CIMAP2: variants seen among roughly 807,000 people sequenced by gnomAD.
CIMAP2 encodes ciliary microtubule-associated protein 2.
the CIMAP2 span, among the ~76,000 whole-genome samples, chr1:54,828,102 A>G: frequency 5.9e-5 from 9 of 152,218 alleles, no homozygotes; most frequent in African/African-American, 1.9e-4. Flanking sequence ...AAAAGCAATA[A>G]GACAGGAAAA....
the CIMAP2 span, among the ~76,000 whole-genome samples, chr1:54,818,335 T>C: frequency 3.3e-3 from 510 of 152,290 alleles, 26 homozygotes; most frequent in East Asian, 0.089. Flanking sequence ...ATATCTCTTT[T>C]AGATGAATGT....
At chr1:54,808,488 C>T in the CIMAP2 span, among the ~76,000 whole-genome samples, 2 of 151,940 alleles carry the variant, frequency 1.3e-5, no homozygotes, top group Non-Finnish European at 1.5e-5. Context: ...AGGCAGGAGG[C>T]CAGTGTGGCC....
At chr1:54,807,998 G>C in the CIMAP2 span, 2 of 1,579,740 alleles carry the variant, frequency 1.3e-6, no homozygotes, top group Admixed American at 1.9e-5. Flanking sequence ...GTTCGCTTCC[G>C]AGGACTCACT....
At chr1:54,838,265 C>T in the CIMAP2 span, among the ~76,000 whole-genome samples, 1 of 151,860 alleles carries the variant, frequency 6.6e-6, no homozygotes, top group African/African-American at 2.4e-5. Context: ...GGCAGATCAC[C>T]TGAGGTGAGG....
At chr1:54,836,103 C>T in the CIMAP2 span, among the ~76,000 whole-genome samples, 1 of 152,018 alleles carries the variant, frequency 6.6e-6, no homozygotes, top group Admixed American at 6.5e-5. Context: ...TCAAACCCCT[C>T]TGCATGTTTA....
the CIMAP2 span, chr1:54,813,932 A>T: frequency 3.1e-6 from 5 of 1,612,090 alleles, no homozygotes; most frequent in Non-Finnish European, 1.7e-6. Context: ...ACCCCTACAG[A>T]GAGGATTTAC....
chr1:54,808,913 C>T, the CIMAP2 span, among the ~76,000 whole-genome samples: 2 of 152,210 alleles, frequency 1.3e-5, no homozygotes, highest in Admixed American at 6.5e-5. Flanking sequence ...CATGCTCTTT[C>T]ACATGGGGCT....
chr1:54,810,074 T>A, the CIMAP2 span, among the ~76,000 whole-genome samples: 1 of 152,062 alleles, frequency 6.6e-6, no homozygotes, highest in African/African-American at 2.4e-5. Flanking sequence ...GAAAATAGGA[T>A]TATCCTGAGA....
chr1:54,819,103 C>T, the CIMAP2 span, among the ~76,000 whole-genome samples: 1 of 152,154 alleles, frequency 6.6e-6, no homozygotes, highest in African/African-American at 2.4e-5. Flanking sequence ...TGTTGAGACC[C>T]TCAAATGCCA....
chr1:54,841,314 G>A, the CIMAP2 span, among the ~76,000 whole-genome samples: 3 of 152,206 alleles, frequency 2.0e-5, no homozygotes, highest in East Asian at 3.8e-4. Flanking sequence ...TCTTATGGAA[G>A]TGCCATCTTC....
chr1:54,819,835 TTTCTCTTTCTTTCTTTCC>T, the CIMAP2 span, among the ~76,000 whole-genome samples: 2 of 98,710 alleles, frequency 2.0e-5, no homozygotes, highest in Non-Finnish European at 2.0e-5. Flanking sequence ...TCTTTCTTTC[TTTCTCTTTCTTTCTTTCC>T]TTCCTTCCTT....
chr1:54,839,938 C>T, the CIMAP2 span, among the ~76,000 whole-genome samples: 1 of 152,018 alleles, frequency 6.6e-6, no homozygotes, highest in Non-Finnish European at 1.5e-5. Context: ...CTTGTAGAGA[C>T]ATGCTTTTGC....
the CIMAP2 span, among the ~76,000 whole-genome samples, chr1:54,815,335 CA>C: frequency 6.6e-6 from 1 of 152,210 alleles, no homozygotes; most frequent in African/African-American, 2.4e-5. Flanking sequence ...TTTGCATTAC[CA>C]ACAAGTTCAG....
the CIMAP2 span, among the ~76,000 whole-genome samples, chr1:54,826,349 T>C: frequency 2.0e-5 from 3 of 152,186 alleles, no homozygotes; most frequent in African/African-American, 7.2e-5. Flanking sequence ...TGTAGGACAC[T>C]GCATGGGCTA....
the CIMAP2 span, among the ~76,000 whole-genome samples, chr1:54,818,386 T>TC: frequency 4.1e-4 from 61 of 150,072 alleles, no homozygotes; most frequent in African/African-American, 1.1e-3. Flanking sequence ...TTTTTTTTTC[T>TC]CTCTCTCTCT....
chr1:54,821,886 C>CTTT, the CIMAP2 span, among the ~76,000 whole-genome samples: 92 of 66,596 alleles, frequency 1.4e-3, 6 homozygotes, highest in South Asian at 2.7e-3. Context: ...CCTCTTATTT[C>CTTT]TTTTTTTTTT....
the CIMAP2 span, among the ~76,000 whole-genome samples, chr1:54,820,479 A>C: frequency 6.6e-6 from 1 of 151,384 alleles, no homozygotes. Flanking sequence ...CGCCTGGCCT[A>C]TTTTTAGTTT....
chr1:54,818,057 C>T, the CIMAP2 span, among the ~76,000 whole-genome samples: 1 of 152,218 alleles, frequency 6.6e-6, no homozygotes, highest in African/African-American at 2.4e-5. Context: ...AGCCTCCTAG[C>T]TTCAAATATG....
At chr1:54,816,976 C>G in the CIMAP2 span, 123 of 1,614,036 alleles carry the variant, frequency 7.6e-5, no homozygotes, top group Non-Finnish European at 1.0e-4. Context: ...CTGCCATCCT[C>G]TCCCTGTTGC....
Sources: allele counts gnomAD v4.1 joint callset (sites outside exome capture counted in the v4.1 genomes callset), GRCh38; gene constraint gnomAD v4.1.1; transcripts MANE v1.5; gene names NCBI Gene and HGNC (gene_info 2026-07-23, HGNC 2026-07-21).